GSTA3: variants seen among roughly 807,000 people sequenced by gnomAD.
GSTA3 encodes the protein glutathione S-transferase A3.
Under a neutral mutation model 23.1 loss-of-function variants are expected in GSTA3, and 16 were observed. That is an observed-to-expected ratio of 0.69 (90% CI 0.47 to 1.05). The LOEUF (loss-of-function observed/expected upper bound fraction) is 1.05. Among genes scored for constraint, GSTA3 ranks in the 50% least tolerant of loss-of-function variants. The pLI is 0.00. For synonymous variants in GSTA3, 122 were observed against 91.0 expected (o/e 1.34, Z -1.94); for missense variants, 319 against 263.6 (o/e 1.21, Z -1.46).
At chr6:52,903,920 C>A (rs1765791717) in intron 2 of GSTA3, among the ~76,000 whole-genome samples, 193 bp from the exon 3 acceptor site, 1 of 152,160 alleles carries the variant, frequency 6.6e-6, no homozygotes, top group Admixed American at 6.5e-5. Flanking sequence ...AGGCATGGGT[C>A]AGACCATGCT....
chr6:52,896,783 T>A lies in GSTA3; in HGVS notation c.*23A>T. ...ACTTTAGAATATTGGTCTTGCATGT[T>A]CTTAGCCTCCATGGCTGCTTTATTA... On this transcript the variant is annotated 3_prime_UTR_variant, in exon 7 of 7. Transcript: ENST00000211122. The A allele has an allele frequency of 6.2e-7, 1 of 1,613,562 alleles. No individual in the cohort carries two copies. Among genetic ancestry groups the A allele is most frequent in the Non-Finnish European group, 8.5e-7 (1 of 1,179,654 alleles).
At chr6:52,905,976 T>C in intron 1 of GSTA3, 121 bp from the exon 2 acceptor site, 1 of 505,354 alleles carries the variant, frequency 2.0e-6, no homozygotes, top group Middle Eastern at 5.3e-4. Flanking sequence ...CAGGATTGTT[T>C]CCACCTCTGA....
chr6:52,897,990 T>G (rs554410111), intron 5 of GSTA3, 34 bp from the exon 6 acceptor site: 1 of 1,613,108 alleles, frequency 6.2e-7, no homozygotes, highest in South Asian at 1.1e-5. Context: ...CAGGAATACA[T>G]GCGCACCCAG....
chr6:52,907,325 AG>A (rs1433436052), intron 1 of GSTA3, among the ~76,000 whole-genome samples: 3 of 127,338 alleles, frequency 2.4e-5, no homozygotes, highest in African/African-American at 3.3e-5. Context: ...AGGAAACAAC[AG>A]GTGCTGGAGA....
In GSTA3 at chr6:52,897,926, C is replaced by A; in HGVS notation, c.445G>T (p.Val149Phe). 1.2e-6 allele frequency: 2 copies of A among 1,613,996 alleles called. No individual in the cohort carries two copies. The highest frequency in any genetic ancestry group is 1.7e-5 in the Admixed American group (1 of 60,016). ...VLQSHGQDYLVGNKLSRADIS... is the reference protein window; with the variant it reads ...VLQSHGQDYLFGNKLSRADIS... ...TCAGCCCGGCTCAGCTTGTTGCCAACAAGGTAGTCTTGTCCATGGCTCTGT... is the reference window on the plus strand; with the variant it reads ...TCAGCCCGGCTCAGCTTGTTGCCAAAAAGGTAGTCTTGTCCATGGCTCTGT... The change falls in exon 6 of 7, where the codon GTT (valine) becomes TTT (phenylalanine). Residue 149 changes from valine (V) to phenylalanine (F), a missense_variant. Transcript: ENST00000211122.
chr6:52,903,163 C>G, intron 3 of GSTA3, among the ~76,000 whole-genome samples: 1 of 152,048 alleles, frequency 6.6e-6, no homozygotes, highest in Non-Finnish European at 1.5e-5. Flanking sequence ...TCTGAGAGGT[C>G]TGGCCTTTTA....
chr6:52,897,235 A>G (rs1366814789), intron 6 of GSTA3, among the ~76,000 whole-genome samples: 2 of 152,270 alleles, frequency 1.3e-5, no homozygotes, highest in African/African-American at 2.4e-5. Flanking sequence ...TGCCTGTGAG[A>G]TATCAACACA....
chr6:52,903,634 A>G (rs1019729249), intron 3 of GSTA3, 42 bp downstream of exon 3: 1 of 1,063,298 alleles, frequency 9.4e-7, no homozygotes, highest in East Asian at 2.4e-5. Flanking sequence ...TACCTTCTCT[A>G]CTAGATACCC....
chr6:52,903,682 T>C lies in GSTA3; in HGVS notation c.133A>G (p.Arg45Gly), dbSNP rs200892086. Reference protein sequence around the residue: ...IGSAEDLGKLRNDGSLMFQQV... With the variant: ...IGSAEDLGKLGNDGSLMFQQV... ...CTTAGAGACTTGATCTTACCATTTC[T>C]TAACTTTCCCAAATCTTCTGCAGAT... Residue 45 changes from arginine (R) to glycine (G), a missense_variant, in exon 3 of 7, where the codon AGA (arginine) becomes GGA (glycine). Coordinates refer to ENST00000211122, the MANE Select transcript of GSTA3 (RefSeq NM_000847.5). 3.8e-6 allele frequency: 6 copies of C among 1,562,526 alleles called. No individual in the cohort carries two copies. The African/African-American group carries it at 8.1e-5, about 21-fold the overall frequency.
chr6:52,907,850 G>A (rs1212593160), intron 1 of GSTA3, among the ~76,000 whole-genome samples: 7 of 150,204 alleles, frequency 4.7e-5, no homozygotes, highest in Non-Finnish European at 7.4e-5. Flanking sequence ...GGGAGGGATA[G>A]CATTGGGAGA....
intron 5 of GSTA3, 24 bp from the exon 6 acceptor site, chr6:52,897,980 C>G: frequency 6.2e-7 from 1 of 1,613,622 alleles, no homozygotes; most frequent in Non-Finnish European, 8.5e-7. Flanking sequence ...GGAATCAGAT[C>G]AGGAATACAT....
chr6:52,900,541 G>C (rs1765645638), intron 4 of GSTA3, among the ~76,000 whole-genome samples: 1 of 152,084 alleles, frequency 6.6e-6, no homozygotes, highest in African/African-American at 2.4e-5. Context: ...AGGATATAGG[G>C]GTGAGCCACC....
intron 2 of GSTA3, among the ~76,000 whole-genome samples, chr6:52,904,812 T>C (rs45452094): frequency 0.011 from 1,603 of 152,294 alleles, 15 homozygotes; most frequent in Non-Finnish European, 0.018. Flanking sequence ...GCTCAAACAC[T>C]GGGAGGATGG....
At chr6:52,903,981 T>TTTTA (rs932441223) in intron 2 of GSTA3, among the ~76,000 whole-genome samples, 2 of 152,020 alleles carry the variant, frequency 1.3e-5, no homozygotes, top group Non-Finnish European at 2.9e-5. Context: ...TTCTTTTTTA[T>TTTTA]TTTATTTATT....
chr6:52,900,991 C>A (rs1452450882), intron 4 of GSTA3, among the ~76,000 whole-genome samples: 1 of 152,188 alleles, frequency 6.6e-6, no homozygotes, highest in East Asian at 1.9e-4. Context: ...TTACTTGAGA[C>A]CCCACCTAAA....
Position 52,897,847 on chromosome 6 carries a change from A to T in GSTA3, c.524T>A (p.Ile175Asn), listed in dbSNP as rs919642722. ...CACCTTCAGCAGAGGGAAGTTGGAG[A>T]TAAGGCTGGAGTCAAGCTCTTCCAC... ...YYVEELDSSL[I>N]SNFPLLKALK... Residue 175 changes from isoleucine to asparagine, a missense_variant, in exon 6 of 7, where the codon ATC becomes AAC. Physicochemically the swap from Ile to Asn is moderately radical, Grantham distance 149. Transcript: ENST00000211122. 5.0e-6 allele frequency: 8 copies of T among 1,613,632 alleles called. No homozygotes were observed. Among genetic ancestry groups the T allele is most frequent in the Non-Finnish European group, 6.8e-6 (8 of 1,179,882 alleles).
chr6:52,897,076 T>G (rs745693204), intron 6 of GSTA3, 148 bp from the exon 7 acceptor site: 14 of 1,135,336 alleles, frequency 1.2e-5, no homozygotes, highest in Admixed American at 5.2e-5. Context: ...CACCCAGTGA[T>G]AAATGAAGAT....
chr6:52,900,436 T>C (rs1331998694), intron 4 of GSTA3, among the ~76,000 whole-genome samples: 1 of 152,052 alleles, frequency 6.6e-6, no homozygotes, highest in African/African-American at 2.4e-5. Flanking sequence ...ATAATTTTTG[T>C]ATTTTTAGTA....
intron 4 of GSTA3, among the ~76,000 whole-genome samples, chr6:52,900,805 A>T (rs190990571): frequency 1.3e-5 from 2 of 152,298 alleles, no homozygotes; most frequent in African/African-American, 4.8e-5. Flanking sequence ...CTCCTAAGTA[A>T]TCCCAAGAGA....
Sources: allele counts gnomAD v4.1 joint callset (sites outside exome capture counted in the v4.1 genomes callset), GRCh38; gene constraint gnomAD v4.1.1; transcripts MANE v1.5; gene names NCBI Gene and HGNC (gene_info 2026-07-23, HGNC 2026-07-21).